The following IMMP2L variants were observed in gnomAD, a reference collection of about 807,000 sequenced individuals.
IMMP2L encodes inner mitochondrial membrane peptidase subunit 2, also known as mitochondrial inner membrane protease subunit 2.
Under a neutral mutation model 19.3 loss-of-function variants are expected in IMMP2L, and 18 were observed. The observed-to-expected ratio is 0.93, with a 90% CI of 0.64 to 1.38. IMMP2L has a LOEUF of 1.38. Ranked by LOEUF, IMMP2L falls within the 40% of genes most tolerant of loss-of-function variation. The pLI, the probability that IMMP2L is intolerant of heterozygous loss-of-function variation, is 0.00. For synonymous variants in IMMP2L, 76 were observed against 73.0 expected (o/e 1.04, Z -0.21); for missense variants, 233 against 218.2 (o/e 1.07, Z -0.43).
intron 3 of IMMP2L, among the ~76,000 whole-genome samples, chr7:111,446,408 C>G (rs1024658687): frequency 6.7e-6 from 1 of 148,522 alleles, no homozygotes; most frequent in African/African-American, 2.6e-5. Context: ...CCCTGACCCC[C>G]GAGCAGCCTA....
At position 111,539,217 on chromosome 7, in the gene IMMP2L, A is replaced by G. The variant is rs1307701403; in HGVS notation, c.-2-17768T>C. Among the ~76,000 whole-genome samples, 173 of 108,890 alleles carry G rather than the reference A, an allele frequency of 1.6e-3. 8 individuals carry two copies. The highest frequency in any genetic ancestry group is 3.2e-3 in the East Asian group (12 of 3,730). The allele number at this position is 108,890 out of a possible 152,430, so 71.4% of individuals were successfully genotyped here. A position where few individuals can be genotyped will look rare whatever the true frequency, so the allele number is the denominator to read the frequency against. The stretch of plus-strand genomic sequence containing the variant: ...GAGGGAGAAAGAAAGAAAGAAAGAA[A>G]GAAAGAAAGAAAGAAAGAAAGAAAG... On this transcript the variant is annotated intron_variant, in intron 1 of 5. Transcript: ENST00000405709.
At chr7:111,332,178 T>C (rs1306172647) in intron 3 of IMMP2L, among the ~76,000 whole-genome samples, 5 of 151,396 alleles carry the variant, frequency 3.3e-5, no homozygotes, top group Non-Finnish European at 7.4e-5. Context: ...AGGACGTTAG[T>C]AAAGAAATAA....
intron 3 of IMMP2L, among the ~76,000 whole-genome samples, chr7:111,413,566 T>C (rs1036453122): frequency 6.6e-6 from 1 of 152,042 alleles, no homozygotes; most frequent in African/African-American, 2.4e-5. Flanking sequence ...ATCCAATCAA[T>C]GTAATTTACC....
At chr7:111,185,181 G>C (rs1808130989) in intron 3 of IMMP2L, among the ~76,000 whole-genome samples, 1 of 152,116 alleles carries the variant, frequency 6.6e-6, no homozygotes, top group Non-Finnish European at 1.5e-5. Context: ...CATTCCACCT[G>C]TCCCAAGAAG....
At chr7:111,397,820 A>G (rs892656165) in intron 3 of IMMP2L, among the ~76,000 whole-genome samples, 1 of 151,866 alleles carries the variant, frequency 6.6e-6, no homozygotes, top group Non-Finnish European at 1.5e-5. Flanking sequence ...GTTCTCATTC[A>G]CTTTATCATT....
chr7:111,282,352 AG>A (rs2083339004), intron 3 of IMMP2L, among the ~76,000 whole-genome samples: 1 of 152,194 alleles, frequency 6.6e-6, no homozygotes, highest in South Asian at 2.1e-4. Flanking sequence ...AAGAAAGGGA[AG>A]AGTATGGTAT....
chr7:110,810,223 A>G (rs1801939621), intron 5 of IMMP2L, among the ~76,000 whole-genome samples: 1 of 152,058 alleles, frequency 6.6e-6, no homozygotes, highest in East Asian at 1.9e-4. Context: ...TAATTCATTT[A>G]TCAATATTCA....
intron 5 of IMMP2L, among the ~76,000 whole-genome samples, chr7:110,745,986 T>C (rs766189440): frequency 2.0e-5 from 3 of 152,050 alleles, no homozygotes; most frequent in Admixed American, 6.6e-5. Context: ...GACCCAATGG[T>C]GTGCTGTATT....
chr7:111,124,489 T>C (rs1801045244), intron 3 of IMMP2L: 10 of 1,613,858 alleles, frequency 6.2e-6, no homozygotes, highest in Non-Finnish European at 7.6e-6. Flanking sequence ...TCGAATACCA[T>C]CTGATGTCAA....
rs963754939 is a variant in IMMP2L, at chr7:111,445,882, T to C, written c.239+41356A>G. On this transcript the variant is annotated intron_variant, in intron 3 of 5. Transcript: ENST00000405709. ...GCGTGAGCCGAAGCAGGGCGAGGCA[T>C]TGCCTCACCTGGGAAGCGCAAGGGG... Among the ~76,000 whole-genome samples, 3 of 152,124 alleles carry C rather than the reference T, an allele frequency of 2.0e-5. 1 individual carries two copies. Among genetic ancestry groups the C allele is most frequent in the Non-Finnish European group, 4.4e-5 (3 of 68,002 alleles).
chr7:111,331,988 G>A (rs1027103866), intron 3 of IMMP2L, among the ~76,000 whole-genome samples: 5 of 151,618 alleles, frequency 3.3e-5, no homozygotes, highest in African/African-American at 4.8e-5. Context: ...TAAGACACAC[G>A]GGAAAATACA....
At chr7:111,048,238 C>CAAAAAAAAAAAAAAAAAAAAAAAAAA (rs575701337) in intron 3 of IMMP2L, among the ~76,000 whole-genome samples, 12 of 18,328 alleles carry the variant, frequency 6.5e-4, no homozygotes, top group African/African-American at 1.1e-3. Flanking sequence ...GACTCTGTCT[C>CAAAAAAAAAAAAAAAAAAAAAAAAAA]AAAAAAAAAA....
intron 3 of IMMP2L, among the ~76,000 whole-genome samples, chr7:111,322,599 T>C (rs1359209666): frequency 6.6e-6 from 1 of 151,274 alleles, no homozygotes; most frequent in East Asian, 1.9e-4. Flanking sequence ...GAACTGAATT[T>C]TAAAAAAAAT....
intron 3 of IMMP2L, among the ~76,000 whole-genome samples, chr7:111,057,573 C>T (rs73418028): frequency 0.022 from 3,323 of 152,240 alleles, 120 homozygotes; most frequent in African/African-American, 0.076. Flanking sequence ...AAGCAGCTTA[C>T]ATATTAAATG....
chr7:111,521,776 C>T (rs1485722296), intron 1 of IMMP2L, among the ~76,000 whole-genome samples: 1 of 152,054 alleles, frequency 6.6e-6, no homozygotes, highest in African/African-American at 2.4e-5. Context: ...GAAGTTACTC[C>T]TTATACCCCT....
intron 3 of IMMP2L, among the ~76,000 whole-genome samples, chr7:111,127,036 G>A (rs1371056334): frequency 1.3e-5 from 2 of 152,152 alleles, no homozygotes; most frequent in Non-Finnish European, 2.9e-5. Context: ...GAAGGCAATT[G>A]TTAAGAATTT....
chr7:111,292,538 C>T (rs1487192618), intron 3 of IMMP2L, among the ~76,000 whole-genome samples: 1 of 151,568 alleles, frequency 6.6e-6, no homozygotes, highest in East Asian at 1.9e-4. Context: ...TTTTTGTTTT[C>T]CAGAGTACTG....
intron 1 of IMMP2L, among the ~76,000 whole-genome samples, chr7:111,533,655 A>C (rs1444991716): frequency 6.6e-6 from 1 of 152,226 alleles, no homozygotes; most frequent in Non-Finnish European, 1.5e-5. Flanking sequence ...ATTTGGAAGG[A>C]GAATAAAATC....
rs112158088 is a variant in IMMP2L, at chr7:110,824,819, T to C, written c.408+61774A>G. On this transcript the variant is annotated intron_variant, in intron 5 of 5. Coordinates refer to ENST00000405709, the MANE Select transcript of IMMP2L (RefSeq NM_032549.4). ...CCAAAATGTAAAAGTGATTTATATA[T>C]ACTTCCCATTTTATCACACCAAATA... Among the ~76,000 whole-genome samples the C allele has an allele frequency of 3.6e-3, 549 of 152,254 alleles. 1 individual carries two copies. Among genetic ancestry groups the C allele is most frequent in the Middle Eastern group, 0.02 (6 of 294 alleles).
Sources: gnomAD v4.1 joint callset for allele counts (sites outside exome capture counted in the v4.1 genomes callset) on GRCh38, gnomAD v4.1.1 for gene constraint, MANE v1.5 for transcripts, NCBI Gene and HGNC (gene_info 2026-07-23, HGNC 2026-07-21) for gene names.